POMGNT1: variants seen among roughly 807,000 people sequenced by gnomAD.
The protein encoded by POMGNT1 is protein O-linked-mannose beta-1,2-N-acetylglucosaminyltransferase 1.
A neutral mutation model predicts 95.6 loss-of-function variants in POMGNT1; 67 were observed. The observed-to-expected ratio is 0.70, with a 90% CI of 0.58 to 0.86. POMGNT1 has a LOEUF of 0.86. POMGNT1 is among the 40% of genes least tolerant of loss of function. POMGNT1 has a pLI of 0.00. For synonymous variants in POMGNT1, 298 were observed against 317.9 expected, an observed-to-expected ratio of 0.94 and a Z score of 0.66; for missense variants, 719 against 855.2, an observed-to-expected ratio of 0.84 and a Z score of 1.99.
chr1:46,189,749 G>C, intron 20 of POMGNT1, 105 bp downstream of exon 20: 1 of 1,573,198 alleles, frequency 6.4e-7, no homozygotes, highest in Non-Finnish European at 8.6e-7. Context: ...AGTATAAAGA[G>C]GAGGTTCTGA....
chr1:46,198,861 G>T (rs1003298253), upstream of POMGNT1, among the ~76,000 whole-genome samples: 1 of 152,214 alleles, frequency 6.6e-6, no homozygotes, highest in Admixed American at 6.5e-5. Flanking sequence ...TAAAATCCAG[G>T]TTCTGTCACT....
chr1:46,216,247 C>T (rs377142953), intron 1 of POMGNT1, among the ~76,000 whole-genome samples: 3 of 151,850 alleles, frequency 2.0e-5, no homozygotes, highest in South Asian at 2.1e-4. Context: ...GGGGTTTCAC[C>T]GTGTTAGCCA....
chr1:46,190,206 G>A (rs985337594), intron 19 of POMGNT1: 14 of 648,238 alleles, frequency 2.2e-5, no homozygotes, highest in Non-Finnish European at 3.1e-5. Flanking sequence ...CACCACGCCC[G>A]GCTAATTTTT....
chr1:46,206,520 A>C (rs1658722079), intron 1 of POMGNT1, among the ~76,000 whole-genome samples: 1 of 152,062 alleles, frequency 6.6e-6, no homozygotes, highest in Admixed American at 6.6e-5. Context: ...TTGGGTTTGG[A>C]GTCGCCTCTG....
intron 7 of POMGNT1, 86 bp from the exon 8 acceptor site, chr1:46,194,737 C>T (rs1288642366): frequency 1.2e-6 from 2 of 1,613,866 alleles, no homozygotes; most frequent in Admixed American, 1.7e-5. Context: ...TTTCATCCAA[C>T]CCACTGCCAC....
At chr1:46,203,907 G>A (rs1658629347) in intron 1 of POMGNT1, among the ~76,000 whole-genome samples, 2 of 152,074 alleles carry the variant, frequency 1.3e-5, no homozygotes, top group Non-Finnish European at 2.9e-5. Context: ...GGAGAGAGAT[G>A]AGGACTGGGA....
At chr1:46,208,472 G>C (rs938289388) in intron 1 of POMGNT1, among the ~76,000 whole-genome samples, 5 of 152,202 alleles carry the variant, frequency 3.3e-5, no homozygotes, top group African/African-American at 1.2e-4. Flanking sequence ...GGAAGGGCAA[G>C]GAAGACTTCC....
intron 1 of POMGNT1, 47 bp from the exon 2 acceptor site, chr1:46,197,918 T>C: frequency 6.4e-7 from 1 of 1,572,770 alleles, no homozygotes; most frequent in Non-Finnish European, 8.7e-7. Context: ...CCTCCCAAAG[T>C]CTGATGCCTT....
chr1:46,203,390 C>G (rs767300672), upstream of POMGNT1: 40 of 1,431,808 alleles, frequency 2.8e-5, no homozygotes, highest in African/African-American at 5.7e-4. Flanking sequence ...CGGTCCCCGG[C>G]GTCCGGTCGC....
At position 46,190,520 on chromosome 1, in the gene POMGNT1, G is replaced by A. The variant is rs1457187510; in HGVS notation, c.1605-3C>T. ...CTTCATAAGCTTCTTTCTTCAGACT[G>A]AAGAGGAGGGAGAAATGGGTCAGGG... On this transcript the variant is annotated splice_polypyrimidine_tract_variant and splice_region_variant and intron_variant, in intron 18 of 21. Coordinates refer to ENST00000371984, the MANE Select transcript of POMGNT1 (RefSeq NM_017739.4). 2 of 1,603,568 alleles carry A rather than the reference G, an allele frequency of 1.2e-6. No individual in the cohort carries two copies. The highest frequency in any genetic ancestry group is 1.7e-4 in the Middle Eastern group (1 of 6,030).
Position 46,203,521 on chromosome 1 carries a change from G to A in POMGNT1, c.-50-5650C>T, listed in dbSNP as rs144228893. 9.2e-5 allele frequency: 144 copies of A among 1,562,168 alleles called. No individual in the cohort carries two copies. In the African/African-American group the frequency reaches 1.9e-3, roughly 21 times the overall value. On this transcript the variant is annotated intron_variant, in intron 1 of 22. Transcript: ENST00000371992. ...CCTGAAGGGCTGCTCCGCGGGCTGC[G>A]AGGCGAGTGTGAGCTGGGAACCTCT...
chr1:46,190,547 A>G, intron 18 of POMGNT1, 30 bp from the exon 19 acceptor site: 1 of 1,579,062 alleles, frequency 6.3e-7, no homozygotes, highest in Middle Eastern at 1.7e-4. Context: ...GGGTCAGGGG[A>G]GTGGGCAGGC....
At chr1:46,218,395 T>C (rs1659129863) in intron 1 of POMGNT1, among the ~76,000 whole-genome samples, 3 of 152,098 alleles carry the variant, frequency 2.0e-5, no homozygotes, top group Admixed American at 1.3e-4. Flanking sequence ...CAAAAAATAA[T>C]AATAAAAGTA....
chr1:46,193,024 C>G, intron 13 of POMGNT1, 66 bp from the exon 14 acceptor site: 5 of 1,607,092 alleles, frequency 3.1e-6, no homozygotes, highest in Non-Finnish European at 4.3e-6. Flanking sequence ...CCTTTGCCCC[C>G]AACCCTCTTC....
chr1:46,220,088 A>T, exon 1 of POMGNT1: 2 of 1,614,174 alleles, frequency 1.2e-6, no homozygotes, highest in Non-Finnish European at 8.5e-7. Context: ...GGAGCTTGAG[A>T]GCTGTGTGGA....
chr1:46,202,233 A>C (rs1424409195), upstream of POMGNT1, among the ~76,000 whole-genome samples: 2 of 151,932 alleles, frequency 1.3e-5, no homozygotes, highest in East Asian at 3.9e-4. Context: ...GAATTACTTG[A>C]ATTAAAAGCC....
chr1:46,208,571 G>A (rs889705765), intron 1 of POMGNT1, among the ~76,000 whole-genome samples: 6 of 152,144 alleles, frequency 3.9e-5, no homozygotes, highest in African/African-American at 1.2e-4. Flanking sequence ...GGGCCGGCAC[G>A]GTGGCTCATG....
Position 46,196,856 on chromosome 1 carries a change from G to A in POMGNT1, c.236-7C>T. On this transcript the variant is annotated splice_polypyrimidine_tract_variant and splice_region_variant and intron_variant, in intron 3 of 21. Coordinates refer to ENST00000371984, the MANE Select transcript of POMGNT1 (RefSeq NM_017739.4). The surrounding 1 kb of genome is among the most constrained non-coding windows in gnomAD (Gnocchi z 4.4). Reference sequence around the variant, plus strand: ...AGGCGGCCTAGGGCCTCATCTGTGGGGTACAACAGGTCATGGAGATAGTCT... The same window carrying A: ...AGGCGGCCTAGGGCCTCATCTGTGGAGTACAACAGGTCATGGAGATAGTCT... 6.2e-7 allele frequency: 1 copy of A among 1,613,966 alleles called. No homozygotes were observed. The highest frequency in any genetic ancestry group is 8.5e-7 in the Non-Finnish European group (1 of 1,180,024).
Position 46,196,723 on chromosome 1 carries a change from C to T in POMGNT1, c.354+8G>A. ...GAGTGACTGTACACCAGACCCTGGC[C>T]CACTGACCGTGGTGCCATCCACTGC... On this transcript the variant is annotated splice_region_variant and intron_variant, in intron 4 of 21. Transcript: ENST00000371984. This position sits in a 1 kb window ranked among gnomAD's most constrained non-coding sequence, Gnocchi z 4.4. 1 of 1,614,092 alleles carries T rather than the reference C, an allele frequency of 6.2e-7. No homozygotes were observed. Among genetic ancestry groups the T allele is most frequent in the South Asian group, 1.1e-5 (1 of 91,086 alleles).
Sources: allele counts gnomAD v4.1 joint callset (sites outside exome capture counted in the v4.1 genomes callset), GRCh38; gene constraint gnomAD v4.1.1; non-coding constraint Gnocchi (gnomAD v3.1); transcripts MANE v1.5; gene names NCBI Gene and HGNC (gene_info 2026-07-23, HGNC 2026-07-21).